The following FRMD4A variants were observed in gnomAD, a reference collection of about 807,000 sequenced individuals.
FRMD4A encodes FERM domain containing 4A.
Under a neutral mutation model 129.1 loss-of-function variants are expected in FRMD4A, and 29 were observed. The ratio of observed to expected loss-of-function variants is 0.22; its 90% CI spans 0.17 to 0.31. The LOEUF is 0.31. Among genes scored for constraint, FRMD4A ranks in the 10% least tolerant of loss-of-function variants. The probability of loss-of-function intolerance (pLI) is 1.00; values close to 1 mark genes in which losing one functional copy is unlikely to be tolerated. For synonymous variants in FRMD4A, 634 were observed against 571.6 expected (o/e 1.11, Z -1.56); for missense variants, 1,272 against 1,375.8 (o/e 0.92, Z 1.19).
At chr10:14,146,473 T>A (rs980882396) in intron 2 of FRMD4A, among the ~76,000 whole-genome samples, 1 of 152,170 alleles carries the variant, frequency 6.6e-6, no homozygotes, top group South Asian at 2.1e-4. Flanking sequence ...ATATCTAGCA[T>A]TTTGATCCCC....
intron 2 of FRMD4A, among the ~76,000 whole-genome samples, chr10:14,248,639 TC>T (rs769516579): frequency 0.27 from 41,407 of 152,086 alleles, 5,747 homozygotes; most frequent in Middle Eastern, 0.34. Context: ...ATCAAGGAGT[TC>T]TACAATATAA....
At chr10:13,786,256 T>C (rs2092859132) in intron 5 of FRMD4A, among the ~76,000 whole-genome samples, 1 of 152,240 alleles carries the variant, frequency 6.6e-6, no homozygotes. Flanking sequence ...AAAGTGTTCC[T>C]ATTTCTCCAC....
At chr10:13,915,990 G>C (rs61834318) in intron 2 of FRMD4A, among the ~76,000 whole-genome samples, 9,295 of 152,244 alleles carry the variant, frequency 0.061, 389 homozygotes, top group Admixed American at 0.12. Context: ...TGTATTCAGA[G>C]AACAAACACA....
intron 2 of FRMD4A, among the ~76,000 whole-genome samples, chr10:14,302,367 A>G (rs769498543): frequency 6.6e-6 from 1 of 152,234 alleles, no homozygotes; most frequent in Non-Finnish European, 1.5e-5. Context: ...TCGCCTCCAT[A>G]TAATGTATTT....
intron 14 of FRMD4A, among the ~76,000 whole-genome samples, chr10:13,695,090 T>C (rs2134837599): frequency 6.6e-6 from 1 of 152,138 alleles, no homozygotes; most frequent in South Asian, 2.1e-4. Context: ...TAAGAATAAT[T>C]AGAAAAAACT....
At chr10:13,892,582 AT>A (rs909357253) in intron 2 of FRMD4A, among the ~76,000 whole-genome samples, 6 of 151,866 alleles carry the variant, frequency 4.0e-5, no homozygotes, top group Non-Finnish European at 5.9e-5. Context: ...TCTTAGACAC[AT>A]TTTTTTTCAT....
chr10:13,910,483 G>A (rs1007744839), intron 2 of FRMD4A, among the ~76,000 whole-genome samples: 1 of 152,206 alleles, frequency 6.6e-6, no homozygotes, highest in East Asian at 1.9e-4. Flanking sequence ...GCAATCATGA[G>A]CTACATAAAT....
chr10:14,139,998 T>C lies in FRMD4A; in HGVS notation c.45+190060A>G, dbSNP rs989240228. Among the ~76,000 whole-genome samples, 48 of 152,166 alleles carry C rather than the reference T, an allele frequency of 3.2e-4. 1 individual carries two copies. The highest frequency in any genetic ancestry group is 8.8e-5 in the Non-Finnish European group (6 of 68,036). On this transcript the variant is annotated intron_variant, in intron 2 of 24. Coordinates refer to ENST00000357447, the MANE Select transcript of FRMD4A (RefSeq NM_018027.5). The stretch of plus-strand genomic sequence containing the variant: ...ACATTAAATCATATACACGTAAATT[T>C]TGAAGGCTACCTAAATTCAAGTCTC...
intron 2 of FRMD4A, among the ~76,000 whole-genome samples, chr10:14,204,423 CAA>C (rs747968021): frequency 1.4e-5 from 2 of 138,294 alleles, no homozygotes; most frequent in Admixed American, 7.2e-5. Context: ...GAGACGCAGT[CAA>C]AAAAAAAAAA....
chr10:14,149,932 C>T (rs1033253265), intron 2 of FRMD4A, among the ~76,000 whole-genome samples: 2 of 152,192 alleles, frequency 1.3e-5, no homozygotes, highest in Non-Finnish European at 2.9e-5. Flanking sequence ...AATTGATTCA[C>T]AGTTCCACAG....
intron 3 of FRMD4A, among the ~76,000 whole-genome samples, chr10:13,835,432 G>A (rs1414614641): frequency 2.6e-5 from 4 of 152,088 alleles, no homozygotes; most frequent in Non-Finnish European, 5.9e-5. Context: ...CCAGGGCCAC[G>A]GACCAGTACA....
chr10:14,081,958 A>T (rs554227174), intron 2 of FRMD4A, among the ~76,000 whole-genome samples: 97 of 152,374 alleles, frequency 6.4e-4, no homozygotes, highest in African/African-American at 2.2e-3. Context: ...GGTCAAAAAT[A>T]CAAATACAGG....
At chr10:13,848,432 T>G (rs1442876401) in intron 3 of FRMD4A, among the ~76,000 whole-genome samples, 2 of 143,486 alleles carry the variant, frequency 1.4e-5, no homozygotes, top group Non-Finnish European at 3.0e-5. Context: ...AAAATTGGCA[T>G]CAAAGGGACA....
chr10:13,914,649 G>A (rs1315613175), intron 2 of FRMD4A, among the ~76,000 whole-genome samples: 1 of 152,018 alleles, frequency 6.6e-6, no homozygotes, highest in Non-Finnish European at 1.5e-5. Flanking sequence ...TAACAATGTG[G>A]AATGAAGATT....
chr10:14,330,075 C>G lies in FRMD4A; in HGVS notation c.28G>C (p.Ala10Pro). The stretch of plus-strand genomic sequence containing the variant: ...ACACTCACCATCAGCAGGCCGAGAG[C>G]TGAGTCGGGCACCAGCTGCACTGCC... Reference protein sequence around the residue: MAVQLVPDSALGLLMMTEGR... With the variant: MAVQLVPDSPLGLLMMTEGR... The change falls in exon 2 of 25, where the codon GCT becomes CCT. Residue 10 changes from alanine (A) to proline (P), a missense_variant. Around this residue, in one of 2 missense-constraint regions of FRMD4A, gnomAD observed 300 missense variants for 483.6 expected, o/e 0.62. Coordinates refer to ENST00000357447, the MANE Select transcript of FRMD4A (RefSeq NM_018027.5). 1.9e-6 allele frequency: 3 copies of G among 1,553,394 alleles called. No homozygotes were observed. The South Asian group carries it at 3.6e-5, about 18-fold the overall frequency.
intron 2 of FRMD4A, among the ~76,000 whole-genome samples, chr10:14,288,511 G>A (rs148293469): frequency 1.1e-4 from 17 of 152,168 alleles, no homozygotes; most frequent in Admixed American, 3.9e-4. Flanking sequence ...TTATGGAATG[G>A]AAGAAGAGCG....
chr10:13,777,286 C>T (rs376001557), intron 6 of FRMD4A, among the ~76,000 whole-genome samples: 2 of 152,342 alleles, frequency 1.3e-5, no homozygotes, highest in African/African-American at 4.8e-5. Context: ...GGAAAGCCAG[C>T]GATTCTCGCT....
chr10:13,881,380 A>G (rs944437531), intron 2 of FRMD4A, among the ~76,000 whole-genome samples: 2 of 152,098 alleles, frequency 1.3e-5, no homozygotes, highest in East Asian at 3.9e-4. Flanking sequence ...CTATGATTGC[A>G]CCACTGCACT....
At chr10:13,698,990 G>A (rs1439157375) in intron 14 of FRMD4A, among the ~76,000 whole-genome samples, 1 of 127,334 alleles carries the variant, frequency 7.9e-6, no homozygotes, top group Non-Finnish European at 1.7e-5. Flanking sequence ...CATTCCTAAT[G>A]CTATGGGGCA....
Sources: gnomAD v4.1 joint callset for allele counts (sites outside exome capture counted in the v4.1 genomes callset) on GRCh38, gnomAD v4.1.1 for gene constraint, gnomAD v4.1.1 regional missense constraint, MANE v1.5 for transcripts, NCBI Gene and HGNC (gene_info 2026-07-23, HGNC 2026-07-21) for gene names.